GPC5: variants seen among roughly 807,000 people sequenced by gnomAD.
The protein encoded by GPC5 is glypican-5.
In GPC5, 47 loss-of-function variants were observed where a neutral mutation model predicts 53.9. That is an observed-to-expected ratio of 0.87 (90% CI 0.69 to 1.11). GPC5 has a LOEUF of 1.11. Ranked by LOEUF, GPC5 falls within the 50% of genes most tolerant of loss-of-function variation. GPC5 has a pLI of 0.00. For missense variants in GPC5, 748 were observed against 713.1 expected, an observed-to-expected ratio of 1.05 and a Z score of -0.56; for synonymous variants, 286 against 263.3, an observed-to-expected ratio of 1.09 and a Z score of -0.84.
intron 7 of GPC5, among the ~76,000 whole-genome samples, chr13:92,238,474 T>TGC (rs1270619320): frequency 6.6e-6 from 1 of 152,118 alleles, no homozygotes; most frequent in Non-Finnish European, 1.5e-5. Context: ...ATTGTTCATG[T>TGC]GCTTACTGGC....
intron 6 of GPC5, among the ~76,000 whole-genome samples, chr13:91,928,822 A>T (rs1351170136): frequency 6.6e-6 from 1 of 152,164 alleles, no homozygotes; most frequent in Non-Finnish European, 1.5e-5. Flanking sequence ...ACGTAAAGAC[A>T]TTATAACCTC....
chr13:91,571,366 C>G (rs1043080467), intron 2 of GPC5, among the ~76,000 whole-genome samples: 4 of 152,056 alleles, frequency 2.6e-5, no homozygotes, highest in Admixed American at 2.6e-4. Context: ...GGGAAAAGAT[C>G]TGGTCATTAA....
intron 7 of GPC5, among the ~76,000 whole-genome samples, chr13:92,469,956 G>C (rs1878846192): frequency 6.6e-6 from 1 of 152,026 alleles, no homozygotes; most frequent in Non-Finnish European, 1.5e-5. Context: ...TATGAAAATG[G>C]TATTAATAGT....
In GPC5 at chr13:91,758,160, T is replaced by A. The variant is rs1178115152; in HGVS notation, c.1280+1740T>A. ...ACCCTGGATGTTGCAATGTAACAAT[T>A]TTGCAAATATTTCTTTATTGCTTTT... On this transcript the variant is annotated intron_variant, in intron 5 of 7. Coordinates refer to ENST00000377067, the MANE Select transcript of GPC5 (RefSeq NM_004466.6). Among the ~76,000 whole-genome samples, 29 of 152,082 alleles carry A rather than the reference T, an allele frequency of 1.9e-4. 1 individual carries two copies. The highest frequency in any genetic ancestry group is 2.9e-5 in the Non-Finnish European group (2 of 67,994).
At chr13:92,679,340 A>G (rs1887045543) in intron 7 of GPC5, among the ~76,000 whole-genome samples, 1 of 152,178 alleles carries the variant, frequency 6.6e-6, no homozygotes, top group Admixed American at 6.5e-5. Context: ...ATTGTATTTA[A>G]TTCCCTATAA....
intron 2 of GPC5, among the ~76,000 whole-genome samples, chr13:91,681,143 A>G (rs2035499385): frequency 6.6e-6 from 1 of 152,176 alleles, no homozygotes; most frequent in South Asian, 2.1e-4. Context: ...TGAGCTACAT[A>G]TGTAAATGTG....
intron 7 of GPC5, among the ~76,000 whole-genome samples, chr13:92,254,124 C>A (rs2042710739): frequency 6.6e-6 from 1 of 151,846 alleles, no homozygotes; most frequent in South Asian, 2.1e-4. Flanking sequence ...GGGAGTAAAC[C>A]AGGGGAACAA....
chr13:92,062,979 T>C (rs1449264931), intron 6 of GPC5, among the ~76,000 whole-genome samples: 1 of 151,942 alleles, frequency 6.6e-6, no homozygotes, highest in African/African-American at 2.4e-5. Context: ...TAAGGGCTTT[T>C]TAATATATAG....
chr13:92,425,750 G>A (rs1876804070), intron 7 of GPC5, among the ~76,000 whole-genome samples: 1 of 151,954 alleles, frequency 6.6e-6, no homozygotes, highest in Non-Finnish European at 1.5e-5. Flanking sequence ...AAAGATAATT[G>A]TTCATTTCAT....
chr13:92,648,805 C>A (rs1373066502), intron 7 of GPC5, among the ~76,000 whole-genome samples: 1 of 152,076 alleles, frequency 6.6e-6, no homozygotes, highest in Non-Finnish European at 1.5e-5. Flanking sequence ...GAGGATCAAA[C>A]TGGGGCATGT....
At chr13:92,557,914 T>G (rs1407905738) in intron 7 of GPC5, among the ~76,000 whole-genome samples, 9 of 151,994 alleles carry the variant, frequency 5.9e-5, no homozygotes, top group African/African-American at 2.2e-4. Flanking sequence ...ACCTGGAATA[T>G]CAGAAAATGT....
At chr13:92,500,523 C>T (rs1880144696) in intron 7 of GPC5, among the ~76,000 whole-genome samples, 1 of 152,132 alleles carries the variant, frequency 6.6e-6, no homozygotes. Flanking sequence ...TGTTAATCAC[C>T]CTTGTTATAG....
chr13:92,591,981 C>T (rs1429208544), intron 7 of GPC5, among the ~76,000 whole-genome samples: 1 of 152,184 alleles, frequency 6.6e-6, no homozygotes, highest in African/African-American at 2.4e-5. Flanking sequence ...GGTCACTTTT[C>T]CCTGAAGTGG....
At chr13:92,598,910 T>G (rs953240742) in intron 7 of GPC5, among the ~76,000 whole-genome samples, 9 of 152,132 alleles carry the variant, frequency 5.9e-5, no homozygotes. Flanking sequence ...CCAGCTACTT[T>G]GTGTGAGACT....
intron 7 of GPC5, among the ~76,000 whole-genome samples, chr13:92,833,602 G>A (rs915352236): frequency 1.3e-5 from 2 of 152,134 alleles, no homozygotes; most frequent in Non-Finnish European, 2.9e-5. Flanking sequence ...TAAACTGATT[G>A]TGTCAGAGCT....
chr13:91,436,349 C>T (rs982615505), intron 1 of GPC5, among the ~76,000 whole-genome samples: 1 of 151,738 alleles, frequency 6.6e-6, no homozygotes, highest in African/African-American at 2.4e-5. Context: ...CCTCTACACA[C>T]TGCTTTGAAT....
At chr13:91,721,051 T>C (rs568034404) in intron 3 of GPC5, among the ~76,000 whole-genome samples, 42 of 151,922 alleles carry the variant, frequency 2.8e-4, no homozygotes, top group Admixed American at 8.5e-4. Flanking sequence ...CCATTTTCTT[T>C]CTTCCTTCCT....
At chr13:92,437,882 C>G (rs1352157760) in intron 7 of GPC5, among the ~76,000 whole-genome samples, 1 of 152,098 alleles carries the variant, frequency 6.6e-6, no homozygotes, top group Non-Finnish European at 1.5e-5. Flanking sequence ...CTGGATCTCT[C>G]CTCTACAATA....
chr13:92,618,769 T>C (rs1884780738), intron 7 of GPC5, among the ~76,000 whole-genome samples: 1 of 150,278 alleles, frequency 6.7e-6, no homozygotes, highest in Middle Eastern at 3.5e-3. Context: ...TAACATGACA[T>C]AGACATAGAG....
Sources: gnomAD v4.1 joint callset for allele counts (sites outside exome capture counted in the v4.1 genomes callset) on GRCh38, gnomAD v4.1.1 for gene constraint, MANE v1.5 for transcripts, NCBI Gene and HGNC (gene_info 2026-07-23, HGNC 2026-07-21) for gene names.